The following RIMS1 variants were observed in gnomAD, a reference collection of about 807,000 sequenced individuals.
The protein encoded by RIMS1 is regulating synaptic membrane exocytosis protein 1.
Under a neutral mutation model 214.1 loss-of-function variants are expected in RIMS1, and 83 were observed. The ratio of observed to expected loss-of-function variants is 0.39; its 90% confidence interval spans 0.32 to 0.47. RIMS1 has a LOEUF of 0.47. Ranked by LOEUF, RIMS1 falls within the 20% of genes least tolerant of loss-of-function variation. RIMS1 has a pLI of 0.99. For missense variants in RIMS1, 2,050 were observed against 2,161.8 expected, an observed-to-expected ratio of 0.95 and a Z score of 1.03; for synonymous variants, 793 against 786.8, an observed-to-expected ratio of 1.01 and a Z score of -0.13.
intron 2 of RIMS1, among the ~76,000 whole-genome samples, chr6:72,009,851 A>T (rs1292278968): frequency 6.6e-6 from 1 of 152,190 alleles, no homozygotes; most frequent in Admixed American, 6.5e-5. Context: ...CCCAACCAAA[A>T]AAATCCAGGA....
chr6:72,213,023 C>T lies in RIMS1; in HGVS notation c.1679-20750C>T, dbSNP rs1019285760. On this transcript the variant is annotated intron_variant, in intron 6 of 33. Coordinates refer to ENST00000521978, the MANE Select transcript of RIMS1 (RefSeq NM_014989.7). ...GATATAAGCAGAGTGATGAAGGAGG[C>T]GCTTCACACTCTTCTTAGATAAGAT... 2.7e-5 allele frequency: 40 copies of T among 1,501,972 alleles called. No individual in the cohort carries two copies. The East Asian group carries it at 2.7e-4, about 10-fold the overall frequency. The allele number at this position is 1,501,972 out of a possible 1,614,324, so 93.0% of individuals were successfully genotyped here.
Position 72,242,439 on chromosome 6 carries a change from T to TA in RIMS1, c.2081+4dup, listed in dbSNP as rs1277584084. On this transcript the variant is annotated splice_region_variant and intron_variant, in intron 10 of 33. Transcript: ENST00000521978. ...AATTATTGTTTCAAGGCCTATTGGG[T>TA]AAGGCTAAAAAAACTTACTTCTTAA... The TA allele has an allele frequency of 6.5e-7, 1 of 1,542,422 alleles. No homozygotes were observed.
In RIMS1 at chr6:72,399,024, G is replaced by A. The variant is rs1447666261; in HGVS notation, c.4790G>A (p.Arg1597Gln). 3 of 1,610,672 alleles carry A rather than the reference G, an allele frequency of 1.9e-6. No homozygotes were observed. The highest frequency in any genetic ancestry group is 2.5e-6 in the Non-Finnish European group (3 of 1,177,862). ...GCCAAGAAGAAGACAAGAATTGCAC[G>A]AAAAACCCTTGATCCTTTGTATCAG... ...CIAKKKTRIA[R>Q]KTLDPLYQQS... Residue 1597 changes from arginine to glutamine, a missense_variant, in exon 33 of 34, where the codon CGA becomes CAA. This residue lies in a region of RIMS1 where 121 missense variants were observed against 187.3 expected (regional missense o/e 0.65). Transcript: ENST00000521978.
chr6:71,991,475 T>C (rs1226785970), intron 2 of RIMS1, among the ~76,000 whole-genome samples: 1 of 152,122 alleles, frequency 6.6e-6, no homozygotes, highest in Non-Finnish European at 1.5e-5. Context: ...CCAAACTGAG[T>C]GTAGTTTATT....
Position 72,177,471 on chromosome 6 carries a change from C to T in RIMS1, c.472-2104C>T, listed in dbSNP as rs576201768. Among the ~76,000 whole-genome samples, 7 of 152,198 alleles carry T rather than the reference C, an allele frequency of 4.6e-5. No individual in the cohort carries two copies. In the South Asian group the frequency reaches 1.0e-3, roughly 23 times the overall value. ...TTCACCATGTTGGCCTGACTGATCT[C>T]GAACTCCTGACCTCAGAAGATCTGC... On this transcript the variant is annotated intron_variant, in intron 4 of 33. Coordinates refer to ENST00000521978, the MANE Select transcript of RIMS1 (RefSeq NM_014989.7).
chr6:71,982,309 A>G (rs550602749), intron 2 of RIMS1, among the ~76,000 whole-genome samples: 1 of 152,280 alleles, frequency 6.6e-6, no homozygotes, highest in East Asian at 1.9e-4. Context: ...AGAAATGTTC[A>G]GGCTTGGAAA....
At chr6:72,315,686 G>T (rs570509055) in intron 28 of RIMS1, among the ~76,000 whole-genome samples, 28 of 151,938 alleles carry the variant, frequency 1.8e-4, no homozygotes, top group African/African-American at 6.0e-4. Flanking sequence ...CACACATGCA[G>T]CAGTACACAC....
intron 29 of RIMS1, among the ~76,000 whole-genome samples, chr6:72,358,019 C>G (rs1231350009): frequency 7.1e-6 from 1 of 141,096 alleles, no homozygotes; most frequent in Non-Finnish European, 1.6e-5. Context: ...ATTTCAAACA[C>G]AGCTGGTGCC....
intron 29 of RIMS1, among the ~76,000 whole-genome samples, chr6:72,371,721 C>A (rs1300093082): frequency 6.6e-6 from 1 of 152,130 alleles, no homozygotes; most frequent in East Asian, 1.9e-4. Context: ...GGGCAGGACC[C>A]AACCAGTCCC....
At chr6:72,028,274 C>G (rs1207750101) in intron 2 of RIMS1, among the ~76,000 whole-genome samples, 1 of 152,032 alleles carries the variant, frequency 6.6e-6, no homozygotes, top group Non-Finnish European at 1.5e-5. Context: ...AAGAATATCT[C>G]ATAAGAAATA....
chr6:72,261,015 T>C, intron 19 of RIMS1: 6 of 1,281,060 alleles, frequency 4.7e-6, no homozygotes, highest in Non-Finnish European at 6.0e-6. Flanking sequence ...TCTCTGGGAC[T>C]GTTTGCGTTC....
Position 72,004,280 on chromosome 6 carries a change from T to C in RIMS1, c.245+35217T>C, listed in dbSNP as rs1178162221. Among the ~76,000 whole-genome samples the C allele has an allele frequency of 4.6e-5, 7 of 152,180 alleles. No homozygotes were observed. In the East Asian group the frequency reaches 1.4e-3, roughly 29 times the overall value. On this transcript the variant is annotated intron_variant, in intron 2 of 33. Transcript: ENST00000521978. ...AATCCAGTCTATCATTGTTGGACAT[T>C]TGGGTTGGCTCCAAGTCTTTGCTAT...
chr6:72,143,741 A>G (rs999803200), intron 4 of RIMS1, among the ~76,000 whole-genome samples: 26 of 152,346 alleles, frequency 1.7e-4, no homozygotes, highest in Non-Finnish European at 2.8e-4. Flanking sequence ...AGACAATGCC[A>G]AAGAGGATAC....
chr6:71,955,222 G>A (rs936507177), intron 1 of RIMS1, among the ~76,000 whole-genome samples: 45 of 151,468 alleles, frequency 3.0e-4, no homozygotes, highest in African/African-American at 1.0e-3. Flanking sequence ...GCTGGAGTGC[G>A]GTGGCATGAT....
intron 6 of RIMS1, among the ~76,000 whole-genome samples, chr6:72,223,989 A>T (rs569810287): frequency 6.6e-6 from 1 of 151,874 alleles, no homozygotes; most frequent in Non-Finnish European, 1.5e-5. Context: ...GTGCACACTA[A>T]TTATTCCTGA....
chr6:72,282,097 C>G (rs1482440373), intron 23 of RIMS1, among the ~76,000 whole-genome samples: 3 of 152,026 alleles, frequency 2.0e-5, no homozygotes, highest in Admixed American at 1.3e-4. Flanking sequence ...TCCTGAATCT[C>G]TCCACTCTCA....
intron 4 of RIMS1, among the ~76,000 whole-genome samples, chr6:72,116,200 T>G (rs2037037043): frequency 6.6e-6 from 1 of 151,952 alleles, no homozygotes; most frequent in South Asian, 2.1e-4. Context: ...GCCTCAACTT[T>G]TATACAGAAA....
intron 1 of RIMS1, among the ~76,000 whole-genome samples, chr6:71,907,699 G>C (rs1332236972): frequency 2.6e-5 from 4 of 152,098 alleles, no homozygotes; most frequent in African/African-American, 4.8e-5. Flanking sequence ...TCAATACCAA[G>C]TTTTAGCTCA....
intron 4 of RIMS1, among the ~76,000 whole-genome samples, chr6:72,172,799 G>T (rs149610921): frequency 2.0e-5 from 3 of 152,196 alleles, no homozygotes; most frequent in Admixed American, 2.0e-4. Context: ...CTATGCATTT[G>T]ATCAATTTGC....
Sources: gnomAD v4.1 joint callset for allele counts (sites outside exome capture counted in the v4.1 genomes callset) on GRCh38, gnomAD v4.1.1 for gene constraint, gnomAD v4.1.1 regional missense constraint, MANE v1.5 for transcripts, NCBI Gene and HGNC (gene_info 2026-07-23, HGNC 2026-07-21) for gene names.